Variants in THADA observed in about 807,000 individuals in gnomAD.
THADA encodes the protein tRNA (32-2'-O)-methyltransferase regulator THADA.
A neutral mutation model predicts 219.8 loss-of-function variants in THADA; 213 were observed. That is an observed-to-expected ratio of 0.97 (90% CI 0.87 to 1.09). The LOEUF is 1.09. Ranked by LOEUF, THADA falls within the 50% of genes least tolerant of loss-of-function variation. The probability of loss-of-function intolerance (pLI) is 0.00; values close to 1 mark genes in which losing one functional copy is unlikely to be tolerated. For missense variants in THADA, 2,956 were observed against 2,311.3 expected (o/e 1.28, Z -5.72); for synonymous variants, 1,018 against 828.9 (o/e 1.23, Z -3.92).
chr2:43,577,976 G>A (rs910026053), intron 9 of THADA, among the ~76,000 whole-genome samples: 5 of 152,120 alleles, frequency 3.3e-5, no homozygotes, highest in Admixed American at 6.5e-5. Flanking sequence ...CATCAAAAAT[G>A]TTTATAGTGA....
At chr2:43,567,854 T>C (rs1166619889) in intron 14 of THADA, among the ~76,000 whole-genome samples, 4 of 152,240 alleles carry the variant, frequency 2.6e-5, no homozygotes, top group Non-Finnish European at 4.4e-5. Context: ...TCCAAATCCG[T>C]TGGCCTATCA....
intron 17 of THADA, 58 bp downstream of exon 17, chr2:43,556,287 C>T (rs1374905231): frequency 6.3e-7 from 1 of 1,586,090 alleles, no homozygotes; most frequent in African/African-American, 1.3e-5. Flanking sequence ...GATATTCTAA[C>T]CAAATGAATA....
chr2:43,555,231 C>T (rs1171241862), intron 17 of THADA, among the ~76,000 whole-genome samples: 1 of 150,782 alleles, frequency 6.6e-6, no homozygotes, highest in Non-Finnish European at 1.5e-5. Context: ...ACACCAGAGG[C>T]AATATTATTA....
At chr2:43,514,058 C>T (rs1330098188) in intron 22 of THADA, among the ~76,000 whole-genome samples, 1 of 148,582 alleles carries the variant, frequency 6.7e-6, no homozygotes, top group South Asian at 2.1e-4. Context: ...AGACACTGTC[C>T]CTTAAAAAAA....
intron 22 of THADA, among the ~76,000 whole-genome samples, chr2:43,514,501 T>C (rs1690926804): frequency 7.3e-6 from 1 of 137,560 alleles, no homozygotes; most frequent in Non-Finnish European, 1.5e-5. Context: ...AATATATACG[T>C]ATATTTTATA....
At chr2:43,584,029 G>A (rs111760624) in intron 7 of THADA, among the ~76,000 whole-genome samples, 1,175 of 115,892 alleles carry the variant, frequency 0.01, 19 homozygotes, top group African/African-American at 0.037. Flanking sequence ...GCCAGAGCTT[G>A]TCTCAATTAA....
chr2:43,231,043 C>T lies in THADA; in HGVS notation c.5767G>A (p.Gly1923Arg). ...ACTAGGGTGTCTTCCCCTTCCTTTC[C>T]TTCCAAAAAGGCCAGCAGCCTCAAG... The part of the protein sequence containing the change: ...ACLRLLAFLE[G>R]KEGEDTLVLS... The change falls in exon 38 of 38, where the codon GGA becomes AGA. Residue 1923 changes from glycine (G) to arginine (R), a missense_variant. Physicochemically the swap from Gly to Arg is moderately radical, Grantham distance 125. Transcript: ENST00000405975. The T allele has an allele frequency of 6.2e-7, 1 of 1,613,958 alleles. No individual in the cohort carries two copies. Among genetic ancestry groups the T allele is most frequent in the East Asian group, 2.2e-5 (1 of 44,880 alleles).
intron 30 of THADA, among the ~76,000 whole-genome samples, chr2:43,336,013 C>A (rs564380695): frequency 6.6e-6 from 1 of 151,588 alleles, no homozygotes; most frequent in Non-Finnish European, 1.5e-5. Flanking sequence ...AGGAGAATGG[C>A]GTGAACCCCA....
chr2:43,484,327 G>A (rs1251164679), intron 26 of THADA: 4 of 168,712 alleles, frequency 2.4e-5, no homozygotes, highest in Non-Finnish European at 4.4e-5. Flanking sequence ...ACACAAAAAT[G>A]CATTTCAATA....
chr2:43,376,029 C>T (rs1016327250), intron 29 of THADA, among the ~76,000 whole-genome samples: 3 of 152,134 alleles, frequency 2.0e-5, no homozygotes, highest in Non-Finnish European at 4.4e-5. Context: ...ATTGTGAAAC[C>T]CTCAGAGCCA....
chr2:43,317,771 T>C (rs578004702), intron 31 of THADA, among the ~76,000 whole-genome samples: 1 of 152,358 alleles, frequency 6.6e-6, no homozygotes, highest in East Asian at 1.9e-4. Flanking sequence ...TATACATAAA[T>C]ACAAACACAT....
chr2:43,589,843 T>TA (rs937431826), intron 4 of THADA, among the ~76,000 whole-genome samples: 4 of 150,128 alleles, frequency 2.7e-5, no homozygotes, highest in Non-Finnish European at 5.9e-5. Context: ...AATTAAAATT[T>TA]AAAAAAAAAG....
chr2:43,516,567 G>A (rs1278585686), intron 22 of THADA, among the ~76,000 whole-genome samples: 6 of 152,130 alleles, frequency 3.9e-5, no homozygotes, highest in African/African-American at 1.4e-4. Context: ...TCTAGTACAT[G>A]CAAATATTTC....
At chr2:43,372,246 G>A (rs1670892541) in intron 29 of THADA, 1 of 152,154 alleles carries the variant, frequency 6.6e-6, no homozygotes, top group Non-Finnish European at 1.5e-5. Context: ...TTAAAGAGCT[G>A]CTAGTTTTAT....
intron 30 of THADA, chr2:43,343,859 G>A: frequency 2.8e-6 from 1 of 356,602 alleles, no homozygotes; most frequent in Non-Finnish European, 5.3e-6. Context: ...GCACGCAGCA[G>A]GTTTCAACAA....
chr2:43,588,165 T>C (rs1701197513), intron 4 of THADA, among the ~76,000 whole-genome samples: 1 of 152,032 alleles, frequency 6.6e-6, no homozygotes, highest in African/African-American at 2.4e-5. Context: ...GCATTCCAAA[T>C]ATGTGGGCAA....
intron 29 of THADA, among the ~76,000 whole-genome samples, chr2:43,379,514 C>T (rs1450412058): frequency 6.6e-6 from 1 of 152,164 alleles, no homozygotes; most frequent in South Asian, 2.1e-4. Context: ...TACACACTTA[C>T]TAGAACAGCT....
At chr2:43,551,733 G>T (rs1192400397) in intron 19 of THADA, 56 bp downstream of exon 19, 1 of 1,504,652 alleles carries the variant, frequency 6.6e-7, no homozygotes. Context: ...AAAAAAAGAG[G>T]TAAAGACATA....
chr2:43,438,056 C>A (rs1399636114), intron 26 of THADA, among the ~76,000 whole-genome samples: 1 of 152,092 alleles, frequency 6.6e-6, no homozygotes, highest in African/African-American at 2.4e-5. Flanking sequence ...AATCCCAGCA[C>A]TTTGGGAGGC....
Sources: allele counts gnomAD v4.1 joint callset (sites outside exome capture counted in the v4.1 genomes callset), GRCh38; gene constraint gnomAD v4.1.1; transcripts MANE v1.5; gene names NCBI Gene and HGNC (gene_info 2026-07-23, HGNC 2026-07-21).